Variants in IL1RAPL1 observed in about 807,000 individuals in gnomAD.
IL1RAPL1 encodes the protein interleukin-1 receptor accessory protein-like 1.
Under a neutral mutation model 48.4 loss-of-function variants are expected in IL1RAPL1, and 3 were observed. The observed-to-expected ratio is 0.06, with a 90% CI of 0.03 to 0.16. IL1RAPL1 has a LOEUF of 0.16. IL1RAPL1 is among the 10% of genes least tolerant of loss of function. The probability of loss-of-function intolerance (pLI) is 1.00; values close to 1 mark genes in which losing one functional copy is unlikely to be tolerated. For missense variants in IL1RAPL1, 349 were observed against 530.6 expected (o/e 0.66, Z 3.36); for synonymous variants, 185 against 187.7 (o/e 0.99, Z 0.12).
At chrX:28,767,975 A>G (rs998102529) in intron 1 of IL1RAPL1, among the ~76,000 whole-genome samples, 1 of 111,717 alleles carries the variant, frequency 9.0e-6, no homozygotes, top group Non-Finnish European at 1.9e-5. Flanking sequence ...ATGTACACAT[A>G]GAATATGTCT....
At chrX:29,616,772 T>C (rs768938289) in intron 5 of IL1RAPL1, among the ~76,000 whole-genome samples, 5 of 111,201 alleles carry the variant, frequency 4.5e-5, no homozygotes, top group South Asian at 7.7e-4. Context: ...GGGAACTCTA[T>C]TGAGGGTGGC....
intron 1 of IL1RAPL1, among the ~76,000 whole-genome samples, chrX:28,756,796 T>C (rs892863680): frequency 2.6e-4 from 29 of 112,007 alleles, no homozygotes; most frequent in African/African-American, 9.1e-4. Flanking sequence ...ATTGAATTAA[T>C]AAGCAGACCT....
chrX:29,517,095 C>T (rs971280206), intron 5 of IL1RAPL1, among the ~76,000 whole-genome samples: 26 of 111,060 alleles, frequency 2.3e-4, no homozygotes, highest in South Asian at 3.7e-4. Flanking sequence ...TATGATCAAA[C>T]GAAGCCCTTA....
intron 1 of IL1RAPL1, among the ~76,000 whole-genome samples, chrX:28,616,898 A>G (rs1444502672): frequency 1.8e-5 from 2 of 112,342 alleles, no homozygotes; most frequent in Non-Finnish European, 3.8e-5. Flanking sequence ...AAGACAACTA[A>G]TGAGAATGCA....
At chrX:29,490,852 G>A (rs35314792) in intron 5 of IL1RAPL1, among the ~76,000 whole-genome samples, 46,320 of 93,665 alleles carry the variant, frequency 0.49, 9,318 homozygotes, top group East Asian at 0.68. Flanking sequence ...GTGTGTGTGT[G>A]TATATATATA....
intron 6 of IL1RAPL1, among the ~76,000 whole-genome samples, chrX:29,885,601 A>G (rs1446154106): frequency 8.9e-6 from 1 of 111,754 alleles, no homozygotes; most frequent in Non-Finnish European, 1.9e-5. Context: ...TCTTGAGGCC[A>G]GGACTTCAAG....
chrX:29,337,041 G>T lies in IL1RAPL1; in HGVS notation c.362+53824G>T, dbSNP rs180692815. ...GAAGGTCTGATAGACCTGCTTCTAA[G>T]GTCCCCCCAGTCTCCTCCAAGTCAA... On this transcript the variant is annotated intron_variant, in intron 3 of 10. Transcript: ENST00000378993. 2.7e-5 allele frequency among the ~76,000 whole-genome samples: 3 copies of T among 110,741 alleles called. No homozygotes were observed. The East Asian group carries it at 8.5e-4, about 31-fold the overall frequency.
At chrX:28,991,184 G>A (rs1400906450) in intron 2 of IL1RAPL1, among the ~76,000 whole-genome samples, 1 of 111,737 alleles carries the variant, frequency 8.9e-6, no homozygotes, top group South Asian at 3.7e-4. Context: ...AGATTCTACT[G>A]TGTGTATACT....
chrX:29,133,562 CAG>C (rs1382019457), intron 2 of IL1RAPL1, among the ~76,000 whole-genome samples: 17 of 111,662 alleles, frequency 1.5e-4, no homozygotes, highest in Non-Finnish European at 3.0e-4. Flanking sequence ...ACCAAAAGTA[CAG>C]AGAGTTCCTA....
chrX:28,666,821 G>GT lies in IL1RAPL1; in HGVS notation c.-25+78775dup, dbSNP rs1934885130. The stretch of plus-strand genomic sequence containing the variant: ...CATAACAAATTGCTAATTGATATTA[G>GT]TAAATATACAGTATTTGTGACTTCC... On this transcript the variant is annotated intron_variant, in intron 1 of 10. Coordinates refer to ENST00000378993, the MANE Select transcript of IL1RAPL1 (RefSeq NM_014271.4). Among the ~76,000 whole-genome samples the GT allele has an allele frequency of 3.6e-5, 4 of 111,690 alleles. No individual in the cohort carries two copies. In the South Asian group the frequency reaches 1.5e-3, roughly 42 times the overall value.
intron 2 of IL1RAPL1, among the ~76,000 whole-genome samples, chrX:28,973,234 G>A (rs1370854532): frequency 1.8e-5 from 2 of 111,916 alleles, no homozygotes; most frequent in African/African-American, 6.5e-5. Context: ...TTACTTTGTT[G>A]TTTATGACAC....
intron 3 of IL1RAPL1, among the ~76,000 whole-genome samples, chrX:29,308,637 T>C (rs1042797282): frequency 8.9e-6 from 1 of 112,496 alleles, no homozygotes; most frequent in Non-Finnish European, 1.9e-5. Flanking sequence ...GTTATTATAC[T>C]GAATTGCACT....
intron 1 of IL1RAPL1, among the ~76,000 whole-genome samples, chrX:28,666,850 A>G (rs1473225854): frequency 8.9e-6 from 1 of 111,863 alleles, no homozygotes; most frequent in Non-Finnish European, 1.9e-5. Context: ...GACTTCCTTC[A>G]GTCATTATAC....
intron 2 of IL1RAPL1, among the ~76,000 whole-genome samples, chrX:28,925,519 T>A (rs1468581818): frequency 8.9e-6 from 1 of 111,941 alleles, no homozygotes; most frequent in Non-Finnish European, 1.9e-5. Context: ...GGAGTTAGAA[T>A]GACCTTTAAA....
chrX:29,291,612 G>T (rs1932372860), intron 3 of IL1RAPL1, among the ~76,000 whole-genome samples: 1 of 109,668 alleles, frequency 9.1e-6, no homozygotes, highest in Non-Finnish European at 1.9e-5. Context: ...GTGTCCAGGT[G>T]TTCTTATTGT....
chrX:29,524,870 A>G (rs1935537623), intron 5 of IL1RAPL1, among the ~76,000 whole-genome samples: 1 of 112,198 alleles, frequency 8.9e-6, no homozygotes, highest in African/African-American at 3.2e-5. Context: ...ATTTTCTAAG[A>G]TGACTATCAT....
intron 2 of IL1RAPL1, among the ~76,000 whole-genome samples, chrX:29,140,784 C>T (rs1602076882): frequency 9.0e-6 from 1 of 111,280 alleles, no homozygotes; most frequent in Non-Finnish European, 1.9e-5. Flanking sequence ...TTGCTGAGTC[C>T]TCACATGGTG....
chrX:29,684,792 G>A (rs1258614587), intron 6 of IL1RAPL1, among the ~76,000 whole-genome samples: 1 of 111,847 alleles, frequency 8.9e-6, no homozygotes, highest in Admixed American at 9.5e-5. Context: ...AAGTTGCCTA[G>A]TTCATCAGAG....
intron 2 of IL1RAPL1, among the ~76,000 whole-genome samples, chrX:29,200,942 A>T (rs1463376677): frequency 2.7e-5 from 3 of 110,986 alleles, no homozygotes; most frequent in Non-Finnish European, 5.7e-5. Flanking sequence ...TAAGCCCAGT[A>T]CCCAGTAGTT....
Sources: gnomAD v4.1 joint callset for allele counts (sites outside exome capture counted in the v4.1 genomes callset) on GRCh38, gnomAD v4.1.1 for gene constraint, MANE v1.5 for transcripts, NCBI Gene and HGNC (gene_info 2026-07-23, HGNC 2026-07-21) for gene names.